ARHGAP24: variants seen among roughly 807,000 people sequenced by gnomAD.
ARHGAP24 encodes rho GTPase-activating protein 24.
In ARHGAP24, 50 loss-of-function variants were observed where a neutral mutation model predicts 76.4. That is an observed-to-expected ratio of 0.65 (90% confidence interval 0.52 to 0.83). ARHGAP24 has a LOEUF of 0.83. Among genes scored for constraint, ARHGAP24 ranks in the 40% least tolerant of loss-of-function variants. The pLI, the probability that ARHGAP24 is intolerant of heterozygous loss-of-function variation, is 0.00. For synonymous variants in ARHGAP24, 345 were observed against 323.3 expected, an observed-to-expected ratio of 1.07 and a Z score of -0.72; for missense variants, 930 against 914.2, an observed-to-expected ratio of 1.02 and a Z score of -0.22.
chr4:85,955,293 A>G (rs182767259), intron 5 of ARHGAP24, among the ~76,000 whole-genome samples: 63 of 151,658 alleles, frequency 4.2e-4, no homozygotes, highest in African/African-American at 1.5e-3. Flanking sequence ...AATTCACCCA[A>G]TTCCCCTTCC....
chr4:85,956,838 C>T (rs13121803), intron 5 of ARHGAP24, among the ~76,000 whole-genome samples: 9 of 151,928 alleles, frequency 5.9e-5, no homozygotes, highest in Non-Finnish European at 1.3e-4. Flanking sequence ...AGCTCCAGCC[C>T]TAACAAACAC....
intron 1 of ARHGAP24, among the ~76,000 whole-genome samples, chr4:85,555,867 T>C (rs1341850233): frequency 4.6e-5 from 2 of 43,590 alleles, no homozygotes; most frequent in African/African-American, 7.0e-5. Context: ...GCCAGGTGGC[T>C]CATGGGGGGA....
At chr4:85,869,636 A>G (rs1732414150) in intron 3 of ARHGAP24, among the ~76,000 whole-genome samples, 1 of 152,088 alleles carries the variant, frequency 6.6e-6, no homozygotes, top group South Asian at 2.1e-4. Context: ...TTTCCACACC[A>G]AATTGGAGCA....
At chr4:85,839,960 C>T (rs1277310469) in intron 3 of ARHGAP24, among the ~76,000 whole-genome samples, 2 of 149,086 alleles carry the variant, frequency 1.3e-5, no homozygotes, top group Admixed American at 1.4e-4. Flanking sequence ...AGCGATTCTC[C>T]TGCCTCAGCC....
intron 1 of ARHGAP24, among the ~76,000 whole-genome samples, chr4:85,563,969 G>A (rs1322445815): frequency 6.6e-6 from 1 of 152,118 alleles, no homozygotes; most frequent in African/African-American, 2.4e-5. Context: ...AGTTATTGAG[G>A]AAATGTTCTG....
chr4:85,983,985 T>C (rs1009207357), intron 8 of ARHGAP24, among the ~76,000 whole-genome samples: 1 of 152,244 alleles, frequency 6.6e-6, no homozygotes, highest in African/African-American at 2.4e-5. Flanking sequence ...CTTTATGCAA[T>C]GCTCATCAGT....
intron 2 of ARHGAP24, among the ~76,000 whole-genome samples, chr4:85,690,064 A>C (rs1723572147): frequency 6.6e-6 from 1 of 152,164 alleles, no homozygotes; most frequent in Admixed American, 6.5e-5. Flanking sequence ...AGTTTTTATC[A>C]TGAAGGGATG....
rs562155191 is a variant in ARHGAP24 at position 85,702,093 on chromosome 4, C to G, written c.181-19792C>G. Reference sequence around the variant, plus strand: ...CCTATCAGCCTATGAATGTGTGTCTCTCTTTTTCCTTTCTCTCTAGTTATA... The same window carrying G: ...CCTATCAGCCTATGAATGTGTGTCTGTCTTTTTCCTTTCTCTCTAGTTATA... On this transcript the variant is annotated intron_variant, in intron 2 of 9. Coordinates refer to ENST00000395184, the MANE Select transcript of ARHGAP24 (RefSeq NM_001025616.3). Among the ~76,000 whole-genome samples the G allele has an allele frequency of 5.9e-5, 9 of 152,236 alleles. No individual in the cohort carries two copies. The South Asian group carries it at 1.9e-3, about 32-fold the overall frequency.
chr4:85,663,609 G>T (rs1314801719), intron 2 of ARHGAP24, among the ~76,000 whole-genome samples: 1 of 149,178 alleles, frequency 6.7e-6, no homozygotes, highest in African/African-American at 2.5e-5. Flanking sequence ...TTTTCAAAGG[G>T]AATGCTTCCA....
At chr4:85,997,371 T>TAG (rs1281834803) in intron 9 of ARHGAP24, among the ~76,000 whole-genome samples, 3 of 147,522 alleles carry the variant, frequency 2.0e-5, no homozygotes, top group Non-Finnish European at 4.4e-5. Context: ...AGATGATAGA[T>TAG]ATAGATAGAT....
intron 3 of ARHGAP24, among the ~76,000 whole-genome samples, chr4:85,775,657 G>T (rs1727285361): frequency 6.6e-6 from 1 of 152,140 alleles, no homozygotes; most frequent in Non-Finnish European, 1.5e-5. Context: ...GATGAGATTT[G>T]GTTGGGGACA....
At chr4:85,766,227 G>A (rs1040918820) in intron 3 of ARHGAP24, among the ~76,000 whole-genome samples, 1 of 151,962 alleles carries the variant, frequency 6.6e-6, no homozygotes, top group Non-Finnish European at 1.5e-5. Context: ...GGGGTACGGG[G>A]ACTGGCAATC....
intron 8 of ARHGAP24, among the ~76,000 whole-genome samples, chr4:85,986,097 G>A (rs1739974971): frequency 6.6e-6 from 1 of 152,034 alleles, no homozygotes; most frequent in South Asian, 2.1e-4. Flanking sequence ...AAAACATGGA[G>A]ACTGCTTTAT....
chr4:85,734,287 GT>G (rs1292061528), intron 3 of ARHGAP24, among the ~76,000 whole-genome samples: 1 of 152,060 alleles, frequency 6.6e-6, no homozygotes, highest in Non-Finnish European at 1.5e-5. Flanking sequence ...GTTTTGTTTT[GT>G]TTTGTTTTTA....
intron 3 of ARHGAP24, among the ~76,000 whole-genome samples, chr4:85,742,964 T>G (rs2110061461): frequency 6.6e-6 from 1 of 152,310 alleles, no homozygotes; most frequent in African/African-American, 2.4e-5. Flanking sequence ...GTTATAAACT[T>G]TATGATTTAC....
intron 8 of ARHGAP24, among the ~76,000 whole-genome samples, chr4:85,981,984 A>G (rs1009683960): frequency 2.0e-5 from 3 of 151,992 alleles, no homozygotes; most frequent in African/African-American, 7.2e-5. Flanking sequence ...CTCTACAGAG[A>G]CACTGACATC....
intron 3 of ARHGAP24, among the ~76,000 whole-genome samples, chr4:85,765,147 C>T (rs1560622056): frequency 6.6e-6 from 1 of 152,072 alleles, no homozygotes; most frequent in Non-Finnish European, 1.5e-5. Context: ...GTAAACTCTT[C>T]AGCTGAATAC....
Position 85,841,020 on chromosome 4 carries a change from C to A in ARHGAP24, c.269-82628C>A, listed in dbSNP as rs550236506. ...GGCACCATAATACCTGTTAGAGAAA[C>A]CATAGAGAAAGTTATTTTGTTTTAC... On this transcript the variant is annotated intron_variant, in intron 3 of 9. Coordinates refer to ENST00000395184, the MANE Select transcript of ARHGAP24 (RefSeq NM_001025616.3). 3.9e-5 allele frequency among the ~76,000 whole-genome samples: 6 copies of A among 152,232 alleles called. No homozygotes were observed. The East Asian group carries it at 9.6e-4, about 24-fold the overall frequency.
At chr4:85,527,349 C>T (rs150178485) in intron 1 of ARHGAP24, among the ~76,000 whole-genome samples, 17 of 152,118 alleles carry the variant, frequency 1.1e-4, no homozygotes, top group Non-Finnish European at 1.5e-4. Flanking sequence ...ATGTCAAACA[C>T]ATAGGTAGAT....
Sources: allele counts gnomAD v4.1 joint callset (sites outside exome capture counted in the v4.1 genomes callset), GRCh38; gene constraint gnomAD v4.1.1; transcripts MANE v1.5; gene names NCBI Gene and HGNC (gene_info 2026-07-23, HGNC 2026-07-21).